VWC2: variants seen among roughly 807,000 people sequenced by gnomAD.
VWC2 encodes brorin.
Under a neutral mutation model 29.8 loss-of-function variants are expected in VWC2, and 14 were observed. The observed-to-expected ratio is 0.47, with a 90% confidence interval of 0.31 to 0.74. The LOEUF (loss-of-function observed/expected upper bound fraction) is 0.74, where lower values mean the gene tolerates loss of function less well. Ranked by LOEUF, VWC2 falls within the 30% of genes least tolerant of loss-of-function variation. The pLI is 0.05. For synonymous variants in VWC2, 213 were observed against 199.0 expected (o/e 1.07, Z -0.59); for missense variants, 457 against 459.8 (o/e 0.99, Z 0.05).
At chr7:49,859,790 G>GCACGCACA (rs1790576408) in intron 3 of VWC2, among the ~76,000 whole-genome samples, 1 of 12,024 alleles carries the variant, frequency 8.3e-5, no homozygotes, top group African/African-American at 3.2e-4. Context: ...GCGCGTGCGT[G>GCACGCACA]CACACACACA....
intron 3 of VWC2, among the ~76,000 whole-genome samples, chr7:49,832,781 G>T (rs1162200036): frequency 6.6e-6 from 1 of 152,158 alleles, no homozygotes; most frequent in Admixed American, 6.5e-5. Context: ...ACATTGCCAA[G>T]ACTTTGTCAA....
intron 3 of VWC2, among the ~76,000 whole-genome samples, chr7:49,818,049 A>G (rs771728964): frequency 3.3e-5 from 5 of 152,238 alleles, no homozygotes; most frequent in South Asian, 2.1e-4. Flanking sequence ...ACAAAAGTAT[A>G]CATTAGACTT....
chr7:49,916,066 A>G lies in VWC2; in HGVS notation c.*3881A>G, dbSNP rs1793706551. On this transcript the variant is annotated 3_prime_UTR_variant, in exon 4 of 4. Coordinates refer to ENST00000340652, the MANE Select transcript of VWC2 (RefSeq NM_198570.5). ...TTTTCACATTTCAGCTGCAACTTCC[A>G]AAGATCAGGTTCTCATTGCTCCGTA... is the stretch of plus-strand genomic sequence containing the variant. The G allele has an allele frequency of 6.6e-6, 1 of 152,228 alleles. No individual in the cohort carries two copies. The highest frequency in any genetic ancestry group is 1.5e-5 in the Non-Finnish European group (1 of 68,042). The allele number at this position is 152,228 out of a possible 1,614,324, so 9.4% of individuals were successfully genotyped here.
intron 3 of VWC2, among the ~76,000 whole-genome samples, chr7:49,813,401 T>C (rs147991314): frequency 6.6e-6 from 1 of 152,372 alleles, no homozygotes; most frequent in East Asian, 1.9e-4. Context: ...GAGGCTTGGC[T>C]GGGGCCTGAG....
intron 2 of VWC2, among the ~76,000 whole-genome samples, chr7:49,789,526 G>C (rs909007401): frequency 6.6e-6 from 1 of 152,074 alleles, no homozygotes; most frequent in East Asian, 1.9e-4. Context: ...TCATCCCTGA[G>C]AGAACTAATC....
intron 3 of VWC2, among the ~76,000 whole-genome samples, chr7:49,865,029 C>T (rs1385149305): frequency 2.0e-5 from 3 of 151,954 alleles, no homozygotes; most frequent in Non-Finnish European, 2.9e-5. Flanking sequence ...TGATATCCCT[C>T]TATATTTATT....
At chr7:49,889,253 T>A (rs1792029428) in intron 3 of VWC2, among the ~76,000 whole-genome samples, 1 of 152,240 alleles carries the variant, frequency 6.6e-6, no homozygotes, top group Admixed American at 6.5e-5. Context: ...TTTCCTGGTG[T>A]TGCCATTTTT....
intron 3 of VWC2, among the ~76,000 whole-genome samples, chr7:49,840,970 A>T (rs1789780584): frequency 6.6e-6 from 1 of 152,200 alleles, no homozygotes; most frequent in Admixed American, 6.5e-5. Context: ...ACAGACTCAG[A>T]TGGTGTCAGG....
intron 2 of VWC2, among the ~76,000 whole-genome samples, chr7:49,777,383 G>T (rs1389160983): frequency 6.6e-6 from 1 of 152,210 alleles, no homozygotes; most frequent in African/African-American, 2.4e-5. Flanking sequence ...AGCCAGGAAG[G>T]ACAGATCTAT....
chr7:49,917,677 C>A lies in VWC2; in HGVS notation c.*5492C>A, dbSNP rs1351055291. 1 of 151,958 alleles carries A rather than the reference C, an allele frequency of 6.6e-6. No individual in the cohort carries two copies. Among genetic ancestry groups the A allele is most frequent in the Non-Finnish European group, 1.5e-5 (1 of 67,962 alleles). 9.4% of individuals were successfully genotyped at this position (151,958 alleles called of 1,614,324 possible). On this transcript the variant is annotated 3_prime_UTR_variant, in exon 4 of 4. Transcript: ENST00000340652. ...ATTTTCAGCAAGTAGAAATATTTCT[C>A]AATTTTATTTGGTATCTAATTATAT...
chr7:49,873,475 G>A (rs1339008340), intron 3 of VWC2, among the ~76,000 whole-genome samples: 1 of 152,160 alleles, frequency 6.6e-6, no homozygotes, highest in Admixed American at 6.5e-5. Flanking sequence ...CACCTAGGGG[G>A]TTAACATTTC....
chr7:49,807,729 A>T (rs1374956860), intron 3 of VWC2, among the ~76,000 whole-genome samples: 1 of 152,226 alleles, frequency 6.6e-6, no homozygotes, highest in East Asian at 1.9e-4. Context: ...AGGTTAAAAG[A>T]ACATTAAAAG....
At chr7:49,790,794 G>A (rs1375029714) in intron 2 of VWC2, among the ~76,000 whole-genome samples, 1 of 151,874 alleles carries the variant, frequency 6.6e-6, no homozygotes, top group African/African-American at 2.4e-5. Flanking sequence ...GCCATGTCCT[G>A]TGCTAGTTTG....
At chr7:49,782,035 T>C (rs1583621268) in intron 2 of VWC2, among the ~76,000 whole-genome samples, 1 of 152,198 alleles carries the variant, frequency 6.6e-6, no homozygotes, top group Non-Finnish European at 1.5e-5. Flanking sequence ...TTCTAGGAGG[T>C]ATTCTATTTG....
intron 3 of VWC2, among the ~76,000 whole-genome samples, chr7:49,841,790 T>G (rs1024787258): frequency 6.6e-6 from 1 of 152,200 alleles, no homozygotes; most frequent in Non-Finnish European, 1.5e-5. Context: ...ACCATTTTTG[T>G]GGGAAATCAT....
At position 49,884,940 on chromosome 7, in the gene VWC2, T is replaced by TA. The variant is rs1476599984; in HGVS notation, c.827-27093dup. The stretch of plus-strand genomic sequence containing the variant: ...ACTAATTCCTTGACCAATGAAATAA[T>TA]AGTTTCTAACAAGTCAAATAAAAAG... On this transcript the variant is annotated intron_variant, in intron 3 of 3. Coordinates refer to ENST00000340652, the MANE Select transcript of VWC2 (RefSeq NM_198570.5). 1.1e-4 allele frequency among the ~76,000 whole-genome samples: 17 copies of TA among 152,252 alleles called. No individual in the cohort carries two copies. The East Asian group carries it at 2.1e-3, about 19-fold the overall frequency.
intron 2 of VWC2, among the ~76,000 whole-genome samples, chr7:49,784,143 G>A (rs1583623175): frequency 6.6e-6 from 1 of 152,294 alleles, no homozygotes; most frequent in East Asian, 1.9e-4. Context: ...ATGGGGTACT[G>A]TGTAATTTTA....
At chr7:49,789,264 T>C (rs536180375) in intron 2 of VWC2, among the ~76,000 whole-genome samples, 16 of 143,466 alleles carry the variant, frequency 1.1e-4, no homozygotes, top group African/African-American at 4.4e-4. Context: ...AGTGGGTGTG[T>C]GTGAGCGGGT....
intron 3 of VWC2, among the ~76,000 whole-genome samples, chr7:49,854,473 G>A (rs1790332531): frequency 6.6e-6 from 1 of 152,138 alleles, no homozygotes; most frequent in Non-Finnish European, 1.5e-5. Context: ...GTGATGATGA[G>A]CATTTTTTCA....
Sources: gnomAD v4.1 joint callset for allele counts (sites outside exome capture counted in the v4.1 genomes callset) on GRCh38, gnomAD v4.1.1 for gene constraint, MANE v1.5 for transcripts, NCBI Gene and HGNC (gene_info 2026-07-23, HGNC 2026-07-21) for gene names.